The following CLNK variants were observed in gnomAD, a reference collection of about 807,000 sequenced individuals.
CLNK encodes cytokine dependent hematopoietic cell linker.
Under a neutral mutation model 68.6 loss-of-function variants are expected in CLNK, and 74 were observed. The observed-to-expected ratio is 1.08, with a 90% CI of 0.89 to 1.31. CLNK has a LOEUF of 1.31. Ranked by LOEUF, CLNK falls within the 50% of genes most tolerant of loss-of-function variation. The pLI is 0.00. For missense variants in CLNK, 553 were observed against 515.3 expected (o/e 1.07, Z -0.71); for synonymous variants, 198 against 172.2 (o/e 1.15, Z -1.17).
At chr4:10,562,166 T>A (rs576877141) in intron 7 of CLNK, among the ~76,000 whole-genome samples, 87 of 149,788 alleles carry the variant, frequency 5.8e-4, no homozygotes, top group African/African-American at 2.0e-3. Flanking sequence ...AGTGGTGCTA[T>A]CTCAGCTCAC....
chr4:10,513,496 T>C lies in CLNK; in HGVS notation c.874A>G (p.Arg292Gly). ...NILPYKYTSWRPPFPKRSDRK... is the reference protein window; with the variant it reads ...NILPYKYTSWGPPFPKRSDRK... ...TCAGACCTTTTGGGGAAAGGTGGTCTCCAGCTTGTGTATTTATAGGGCAGT... is the reference window on the plus strand; with the variant it reads ...TCAGACCTTTTGGGGAAAGGTGGTCCCCAGCTTGTGTATTTATAGGGCAGT... The change falls in exon 16 of 19, where the codon AGA becomes GGA. Residue 292 changes from arginine (R) to glycine (G), a missense_variant. By Grantham distance (125) the Arg-to-Gly change is moderately radical. Transcript: ENST00000226951. 6.2e-7 allele frequency: 1 copy of C among 1,611,930 alleles called. No individual in the cohort carries two copies. Among genetic ancestry groups the C allele is most frequent in the Non-Finnish European group, 8.5e-7 (1 of 1,179,038 alleles).
At chr4:10,600,902 T>A (rs1721567942) in intron 2 of CLNK, among the ~76,000 whole-genome samples, 1 of 152,168 alleles carries the variant, frequency 6.6e-6, no homozygotes, top group Non-Finnish European at 1.5e-5. Flanking sequence ...ACCAGGCCAA[T>A]TTTAGGAGGA....
At chr4:10,563,202 G>T (rs1719967405) in intron 7 of CLNK, among the ~76,000 whole-genome samples, 2 of 152,076 alleles carry the variant, frequency 1.3e-5, no homozygotes, top group African/African-American at 4.8e-5. Context: ...AATATGTGAG[G>T]AATATTCAAA....
chr4:10,550,069 G>A (rs1719386591), intron 8 of CLNK, among the ~76,000 whole-genome samples: 1 of 152,234 alleles, frequency 6.6e-6, no homozygotes. Flanking sequence ...GAGGGTTAAA[G>A]TAAGACCTCT....
chr4:10,554,883 G>A (rs545187062), intron 8 of CLNK, among the ~76,000 whole-genome samples: 90 of 152,286 alleles, frequency 5.9e-4, no homozygotes, highest in African/African-American at 2.1e-3. Context: ...TGGGATGTTC[G>A]TTACGAAATG....
chr4:10,700,106 CA>C, the CLNK span, among the ~76,000 whole-genome samples: 1 of 151,456 alleles, frequency 6.6e-6, no homozygotes, highest in African/African-American at 2.4e-5. Flanking sequence ...CAATAGAAAT[CA>C]GAGAAGAAAC....
At chr4:10,728,721 A>G in the CLNK span, among the ~76,000 whole-genome samples, 1 of 149,830 alleles carries the variant, frequency 6.7e-6, no homozygotes, top group Admixed American at 6.7e-5. Flanking sequence ...CCTGAATAGC[A>G]GGGACTACAG....
chr4:10,724,830 A>G, the CLNK span, among the ~76,000 whole-genome samples: 165 of 152,286 alleles, frequency 1.1e-3, no homozygotes, highest in African/African-American at 3.8e-3. Flanking sequence ...TGGGAAGGGA[A>G]CTTCCCCTTC....
chr4:10,667,263 G>A (rs1724434981), intron 2 of CLNK, among the ~76,000 whole-genome samples: 1 of 151,742 alleles, frequency 6.6e-6, no homozygotes, highest in African/African-American at 2.4e-5. Flanking sequence ...GTAAAATAAA[G>A]CAAATAAATA....
chr4:10,564,593 A>T, intron 7 of CLNK, 78 bp downstream of exon 7: 1 of 958,932 alleles, frequency 1.0e-6, no homozygotes, highest in Middle Eastern at 2.1e-4. Flanking sequence ...GGCCTGGGGG[A>T]CAGGAGATGG....
intron 2 of CLNK, among the ~76,000 whole-genome samples, chr4:10,599,056 C>G (rs963941624): frequency 2.6e-5 from 4 of 152,256 alleles, no homozygotes; most frequent in Non-Finnish European, 4.4e-5. Context: ...CCTCCTCGGC[C>G]TCACAGACTC....
chr4:10,624,117 G>GT (rs1560248198), intron 2 of CLNK, among the ~76,000 whole-genome samples: 1 of 152,182 alleles, frequency 6.6e-6, no homozygotes, highest in African/African-American at 2.4e-5. Flanking sequence ...AGTGTTTTAG[G>GT]TTTACACAAT....
At chr4:10,649,047 C>A (rs113680953) in intron 2 of CLNK, among the ~76,000 whole-genome samples, 4 of 152,052 alleles carry the variant, frequency 2.6e-5, no homozygotes, top group Non-Finnish European at 4.4e-5. Flanking sequence ...AATTCATGCT[C>A]GTTGAAGGTG....
intron 18 of CLNK, among the ~76,000 whole-genome samples, chr4:10,498,768 C>G (rs541151264): frequency 6.6e-6 from 1 of 152,128 alleles, no homozygotes; most frequent in Non-Finnish European, 1.5e-5. Flanking sequence ...AAATGAAGAA[C>G]TGACCACTTC....
chr4:10,580,701 G>C (rs918550405), intron 4 of CLNK, among the ~76,000 whole-genome samples: 13 of 152,256 alleles, frequency 8.5e-5, no homozygotes, highest in African/African-American at 3.1e-4. Flanking sequence ...ATAAGGACGT[G>C]AGGAAGGGAA....
At chr4:10,501,544 T>A in intron 17 of CLNK, 133 bp from the exon 18 acceptor site, 1 of 860,616 alleles carries the variant, frequency 1.2e-6, no homozygotes, top group Non-Finnish European at 1.8e-6. Flanking sequence ...TTTAATTCAG[T>A]AAGTTTTTAC....
intron 17 of CLNK, among the ~76,000 whole-genome samples, chr4:10,503,034 G>A (rs1717119659): frequency 6.6e-6 from 1 of 152,182 alleles, no homozygotes; most frequent in Non-Finnish European, 1.5e-5. Context: ...TTGAGAAATG[G>A]AGCAGTCCTC....
intron 3 of CLNK, among the ~76,000 whole-genome samples, chr4:10,588,614 A>G (rs996057752): frequency 1.3e-5 from 2 of 152,202 alleles, no homozygotes; most frequent in Non-Finnish European, 2.9e-5. Context: ...CAACCCATTT[A>G]CATTCATTTT....
At chr4:10,612,147 CTGAA>C (rs1722057028) in intron 2 of CLNK, among the ~76,000 whole-genome samples, 1 of 152,224 alleles carries the variant, frequency 6.6e-6, no homozygotes, top group Non-Finnish European at 1.5e-5. Context: ...GTTGAGAGAG[CTGAA>C]GAAACCTACC....
Sources: allele counts gnomAD v4.1 joint callset (sites outside exome capture counted in the v4.1 genomes callset), GRCh38; gene constraint gnomAD v4.1.1; transcripts MANE v1.5; gene names NCBI Gene and HGNC (gene_info 2026-07-23, HGNC 2026-07-21).